MRPS23: variants seen among roughly 807,000 people sequenced by gnomAD.
MRPS23 encodes mitochondrial ribosomal protein S23.
MRPS23 carries 14 observed loss-of-function variants against 19.8 expected under a neutral mutation model. The ratio of observed to expected loss-of-function variants is 0.71; its 90% CI spans 0.47 to 1.11. MRPS23 has a LOEUF of 1.11. Ranked by LOEUF, MRPS23 falls within the 50% of genes least tolerant of loss-of-function variation. MRPS23 has a pLI of 0.00. For missense variants in MRPS23, 242 were observed against 236.7 expected (o/e 1.02, Z -0.15); for synonymous variants, 113 against 89.7 (o/e 1.26, Z -1.47).
chr17:57,839,690 A>G lies in MRPS23; in HGVS notation c.*93T>C, dbSNP rs116188919. 6.9e-5 allele frequency: 100 copies of G among 1,447,938 alleles called. No individual in the cohort carries two copies. In the African/African-American group the frequency reaches 1.4e-3, roughly 20 times the overall value. 89.7% of individuals were successfully genotyped at this position (1,447,938 alleles called of 1,614,324 possible). On this transcript the variant is annotated 3_prime_UTR_variant, in exon 5 of 5. Coordinates refer to ENST00000313608, the MANE Select transcript of MRPS23 (RefSeq NM_016070.4). The stretch of plus-strand genomic sequence containing the variant: ...GGCAAACATAATACCTTAGAGATCA[A>G]GAAACATTTACACAGTTCAACTGTT...
chr17:57,844,490 T>C (rs1345141503), intron 2 of MRPS23, among the ~76,000 whole-genome samples: 1 of 151,768 alleles, frequency 6.6e-6, no homozygotes, highest in Non-Finnish European at 1.5e-5. Context: ...CTGGGCATGG[T>C]GGCTCATGCC....
chr17:57,840,686 A>T, intron 4 of MRPS23: 1 of 381,742 alleles, frequency 2.6e-6, no homozygotes, highest in Non-Finnish European at 4.6e-6. Context: ...ATAAATTTTT[A>T]AAAATAGAGT....
intron 2 of MRPS23, among the ~76,000 whole-genome samples, chr17:57,846,354 C>T (rs1476205808): frequency 3.9e-5 from 6 of 152,048 alleles, no homozygotes; most frequent in African/African-American, 1.2e-4. Context: ...CACCTCTGCC[C>T]GGCCGCCCCG....
Position 57,838,320 on chromosome 17 carries a change from A to T in MRPS23, c.*1463T>A, listed in dbSNP as rs2144871308. The T allele has an allele frequency of 6.9e-6, 1 of 144,722 alleles. No individual in the cohort carries two copies. The highest frequency in any genetic ancestry group is 2.1e-4 in the East Asian group (1 of 4,710). The allele number at this position is 144,722 out of a possible 1,614,324, so 9.0% of individuals were successfully genotyped here. ...AAAAAAAAAAAAAAAAAAAAAAATT[A>T]AAAATCTACAGAGGAGGAAAACAAA... is the stretch of plus-strand genomic sequence containing the variant. On this transcript the variant is annotated 3_prime_UTR_variant, in exon 5 of 5. Transcript: ENST00000313608.
chr17:57,839,671 CATA>C lies in MRPS23; in HGVS notation c.*109_*111del. ...CCAGAAATAACTAAGAGAAGGCAAA[CATA>C]ATACCTTAGAGATCAAGAAACATTT... On this transcript the variant is annotated 3_prime_UTR_variant, in exon 5 of 5. Coordinates refer to ENST00000313608, the MANE Select transcript of MRPS23 (RefSeq NM_016070.4). 7.4e-7 allele frequency: 1 copy of C among 1,343,114 alleles called. No individual in the cohort carries two copies. Among genetic ancestry groups the C allele is most frequent in the South Asian group, 1.7e-5 (1 of 58,340 alleles). The allele number at this position is 1,343,114 out of a possible 1,614,324, so 83.2% of individuals were successfully genotyped here. A position where few individuals can be genotyped will look rare whatever the true frequency, so the allele number is the denominator to read the frequency against.
intron 2 of MRPS23, among the ~76,000 whole-genome samples, chr17:57,844,844 T>C (rs970859864): frequency 5.3e-5 from 8 of 152,136 alleles, no homozygotes; most frequent in African/African-American, 1.9e-4. Context: ...CTCCAATCAT[T>C]TATCATCCAG....
chr17:57,839,838 T>C lies in MRPS23; in HGVS notation c.518A>G (p.Gln173Arg), dbSNP rs199934600. 1 of 1,614,130 alleles carries C rather than the reference T, an allele frequency of 6.2e-7. No individual in the cohort carries two copies. Among genetic ancestry groups the C allele is most frequent in the Non-Finnish European group, 8.5e-7 (1 of 1,180,044 alleles). The change falls in exon 5 of 5, where the codon CAG becomes CGG. Residue 173 changes from glutamine to arginine, a missense_variant. Coordinates refer to ENST00000313608, the MANE Select transcript of MRPS23 (RefSeq NM_016070.4). ...EENETQKEVP[Q>R]DQHLEAPADQ... is the part of the protein sequence containing the mutation. ...TGCAGGTGCCTCCAAATGCTGGTCC[T>C]GTGGAACTTCTTTCTGAGTCTCGTT...
chr17:57,840,807 A>T (rs2058030136), intron 4 of MRPS23, 119 bp downstream of exon 4: 1 of 1,360,650 alleles, frequency 7.3e-7, no homozygotes, highest in African/African-American at 1.5e-5. Flanking sequence ...ACAGCACTTT[A>T]TAAAAGGTAT....
At position 57,838,227 on chromosome 17, in the gene MRPS23, T is replaced by A. The variant is rs145351389; in HGVS notation, c.*1556A>T. 0.099 allele frequency: 12,909 copies of A among 130,662 alleles called. 754 individuals carry two copies. Among genetic ancestry groups the A allele is most frequent in the South Asian group, 0.24 (1,026 of 4,224 alleles). 8.1% of individuals were successfully genotyped at this position (130,662 alleles called of 1,614,324 possible). A position where few individuals can be genotyped will look rare whatever the true frequency, so the allele number is the denominator to read the frequency against. ...ACTGCTTGAACCTGGGAGGCGGAGG[T>A]TGCAGTGGGCCAAGATGGCTCCACT... is the stretch of plus-strand genomic sequence containing the variant. On this transcript the variant is annotated 3_prime_UTR_variant, in exon 5 of 5. Transcript: ENST00000313608.
chr17:57,843,287 CACAA>C (rs2073752309), intron 2 of MRPS23, among the ~76,000 whole-genome samples: 8 of 149,556 alleles, frequency 5.3e-5, no homozygotes, highest in Non-Finnish European at 1.0e-4. Context: ...AAAAAAAATA[CACAA>C]ACACACACAC....
Position 57,850,034 on chromosome 17 carries a change from G to T in MRPS23, c.-24C>A, listed in dbSNP as rs774810024. 2 of 1,585,602 alleles carry T rather than the reference G, an allele frequency of 1.3e-6. No homozygotes were observed. Among genetic ancestry groups the T allele is most frequent in the Non-Finnish European group, 8.5e-7 (1 of 1,170,962 alleles). ...ATGATCTGCGCCTGGTACCGAGCGTGACTAGCTGCTACCGGAACCGGAAGC... is the reference window on the plus strand; with the variant it reads ...ATGATCTGCGCCTGGTACCGAGCGTTACTAGCTGCTACCGGAACCGGAAGC... On this transcript the variant is annotated 5_prime_UTR_variant, in exon 1 of 5. Coordinates refer to ENST00000313608, the MANE Select transcript of MRPS23 (RefSeq NM_016070.4).
At chr17:57,846,508 G>C (rs2073776652) in intron 2 of MRPS23, among the ~76,000 whole-genome samples, 1 of 152,236 alleles carries the variant, frequency 6.6e-6, no homozygotes, top group Non-Finnish European at 1.5e-5. Flanking sequence ...AGAGAGATCA[G>C]ATTGTTACTG....
intron 2 of MRPS23, among the ~76,000 whole-genome samples, chr17:57,843,344 A>G (rs941277234): frequency 2.0e-5 from 3 of 152,152 alleles, no homozygotes; most frequent in African/African-American, 7.2e-5. Context: ...CTAATAGGTA[A>G]GAAACCAGAA....
Position 57,849,426 on chromosome 17 carries a change from G to A in MRPS23, c.45-16C>T, listed in dbSNP as rs1338260008. ...GTCCCGAGTCCTTAGGGAGGGAACA[G>A]AACGAAACTGGGTCACTTGCAGTAG... On this transcript the variant is annotated splice_polypyrimidine_tract_variant and intron_variant, in intron 1 of 4. Transcript: ENST00000313608. 6.2e-7 allele frequency: 1 copy of A among 1,611,774 alleles called. No homozygotes were observed. The highest frequency in any genetic ancestry group is 1.7e-5 in the Admixed American group (1 of 59,810).
chr17:57,846,282 C>T (rs1388408489), intron 2 of MRPS23, among the ~76,000 whole-genome samples: 2 of 68,616 alleles, frequency 2.9e-5, no homozygotes, highest in East Asian at 7.8e-4. Flanking sequence ...CCAGCCGCCC[C>T]GTCCGGGAGG....
chr17:57,835,530 C>G lies in MRPS23; in HGVS notation c.*4253G>C, dbSNP rs2073699394. On this transcript the variant is annotated 3_prime_UTR_variant, in exon 5 of 5. Coordinates refer to ENST00000313608, the MANE Select transcript of MRPS23 (RefSeq NM_016070.4). The stretch of plus-strand genomic sequence containing the variant: ...TTCCCTGCTCAAACTTTCCCATACC[C>G]AACTGGCTCCTCCATGTAGTTGTCA... 6.6e-6 allele frequency: 1 copy of G among 152,332 alleles called. No homozygotes were observed. The highest frequency in any genetic ancestry group is 2.4e-5 in the African/African-American group (1 of 41,446). 9.4% of individuals were successfully genotyped at this position (152,332 alleles called of 1,614,324 possible). A position where few individuals can be genotyped will look rare whatever the true frequency, so the allele number is the denominator to read the frequency against.
chr17:57,840,822 G>C (rs2073735532), intron 4 of MRPS23, 104 bp downstream of exon 4: 1 of 1,438,990 alleles, frequency 6.9e-7, no homozygotes, highest in Non-Finnish European at 9.4e-7. Context: ...AGGTATTTCA[G>C]CATCTGTGAA....
In MRPS23 at chr17:57,844,242, T is replaced by G. The variant is rs374476748; in HGVS notation, c.216-2982A>C. ...ACAACCTTGAACTCCTAGACTCCAA[T>G]GGTCCTCCTTCCTCAGCCTCCCAAG... is the stretch of plus-strand genomic sequence containing the variant. On this transcript the variant is annotated intron_variant, in intron 2 of 4. Transcript: ENST00000313608. Among the ~76,000 whole-genome samples the G allele has an allele frequency of 2.0e-5, 3 of 151,424 alleles. No homozygotes were observed. The East Asian group carries it at 5.8e-4, about 29-fold the overall frequency.
chr17:57,847,784 C>T (rs1342602748), intron 2 of MRPS23, among the ~76,000 whole-genome samples: 1 of 151,540 alleles, frequency 6.6e-6, no homozygotes, highest in Non-Finnish European at 1.5e-5. Flanking sequence ...GCAACCTCCA[C>T]CTTCTAGTTT....
Sources: gnomAD v4.1 joint callset for allele counts (sites outside exome capture counted in the v4.1 genomes callset) on GRCh38, gnomAD v4.1.1 for gene constraint, MANE v1.5 for transcripts, NCBI Gene and HGNC (gene_info 2026-07-23, HGNC 2026-07-21) for gene names.